TRIM41: variants seen among roughly 807,000 people sequenced by gnomAD.
TRIM41 encodes the protein tripartite motif containing 41.
Under a neutral mutation model 60.6 loss-of-function variants are expected in TRIM41, and 21 were observed. That is an observed-to-expected ratio of 0.35 (90% CI 0.25 to 0.50). The LOEUF (loss-of-function observed/expected upper bound fraction) is 0.50, where lower values mean the gene tolerates loss of function less well. Among genes scored for constraint, TRIM41 ranks in the 20% least tolerant of loss-of-function variants. TRIM41 has a pLI of 0.98. For synonymous variants in TRIM41, 407 were observed against 344.9 expected, an observed-to-expected ratio of 1.18 and a Z score of -2.00; for missense variants, 846 against 868.3, an observed-to-expected ratio of 0.97 and a Z score of 0.32.
At chr5:181,232,497 ATC>A in intron 2 of TRIM41, 160 bp from the exon 3 acceptor site, 1 of 648,148 alleles carries the variant, frequency 1.5e-6, no homozygotes, top group Non-Finnish European at 2.6e-6. Context: ...AGGGGGTGGT[ATC>A]TGGTAAGGCT....
intron 1 of TRIM41, 47 bp from the exon 2 acceptor site, chr5:181,230,697 G>A: frequency 4.6e-6 from 7 of 1,523,632 alleles, no homozygotes; most frequent in Non-Finnish European, 6.3e-6. Context: ...GGCTCTGAAG[G>A]GCAGGTGCCT....
Position 181,223,965 on chromosome 5 carries a change from CACCGA to C in TRIM41, c.-31_-27del. 1 of 1,574,982 alleles carries C rather than the reference CACCGA, an allele frequency of 6.3e-7. No individual in the cohort carries two copies. The stretch of plus-strand genomic sequence containing the variant: ...GGAAGACCCCCGCCCCTCGCCCCCC[CACCGA>C]ACCTCTACACTGGCTGGCTGGACAC... On this transcript the variant is annotated 5_prime_UTR_variant, in exon 1 of 6. Transcript: ENST00000315073.
rs200349612 is a variant in TRIM41 at position 181,234,099 on chromosome 5, C to T, written c.1292-75C>T. 808 of 1,598,008 alleles carry T rather than the reference C, an allele frequency of 5.1e-4. 2 individuals are homozygous for T. The highest frequency in any genetic ancestry group is 6.2e-4 in the Non-Finnish European group (726 of 1,178,698). ...GCTGGATTCAGGGAGAAAGGGGGCC[C>T]AATCTGTGGAGTTGGCTGCTGACAG... On this transcript the variant is annotated intron_variant, in intron 5 of 5. Transcript: ENST00000315073. The surrounding 1 kb of genome is among the most constrained non-coding windows in gnomAD (Gnocchi z 5.6).
intron 1 of TRIM41, chr5:181,228,958 A>AC (rs1758677303): frequency 6.6e-6 from 1 of 150,862 alleles, no homozygotes; most frequent in African/African-American, 2.5e-5. Context: ...AAAAAAAAAA[A>AC]CAGTAAATGG....
Position 181,235,117 on chromosome 5 carries a change from C to G in TRIM41, c.*342C>G. ...GGGAAATTGTAATTTCATTCCTTAA[C>G]TTCCTTTTCCCCACCCCTGCTCTTC... is the stretch of plus-strand genomic sequence containing the variant. On this transcript the variant is annotated 3_prime_UTR_variant, in exon 6 of 6. Coordinates refer to ENST00000315073, the MANE Select transcript of TRIM41 (RefSeq NM_033549.5). The G allele has an allele frequency of 6.3e-7, 1 of 1,586,580 alleles. No homozygotes were observed. Among genetic ancestry groups the G allele is most frequent in the Non-Finnish European group, 8.6e-7 (1 of 1,166,584 alleles).
chr5:181,228,558 C>CAAAAAAAAAAA (rs1165609216), intron 1 of TRIM41: 16 of 50,392 alleles, frequency 3.2e-4, no homozygotes, highest in African/African-American at 8.3e-4. Context: ...ACTCCCATCT[C>CAAAAAAAAAAA]AAAAAAAAAA....
Position 181,234,928 on chromosome 5 carries a change from C to G in TRIM41, c.*153C>G. Reference sequence around the variant, plus strand: ...TGACCCCAGGCCCCTGCTTCTCCCTCTAGGAGCCTAAAGAACCCTCCTGGC... The same window carrying G: ...TGACCCCAGGCCCCTGCTTCTCCCTGTAGGAGCCTAAAGAACCCTCCTGGC... On this transcript the variant is annotated 3_prime_UTR_variant, in exon 6 of 6. Coordinates refer to ENST00000315073, the MANE Select transcript of TRIM41 (RefSeq NM_033549.5). The surrounding 1 kb of genome is among the most constrained non-coding windows in gnomAD (Gnocchi z 5.6). The G allele has an allele frequency of 1.2e-6, 2 of 1,613,798 alleles. No individual in the cohort carries two copies. Among genetic ancestry groups the G allele is most frequent in the Non-Finnish European group, 8.5e-7 (1 of 1,179,974 alleles).
At chr5:181,230,170 C>G (rs191108740) in intron 1 of TRIM41, 2 of 152,484 alleles carry the variant, frequency 1.3e-5, no homozygotes, top group African/African-American at 4.8e-5. Context: ...TGGGAGCTCT[C>G]TAGTCTTGAG....
At position 181,223,973 on chromosome 5, in the gene TRIM41, C is replaced by G. The variant is rs1341550722; in HGVS notation, c.-27C>G. The stretch of plus-strand genomic sequence containing the variant: ...CCCGCCCCTCGCCCCCCCACCGAAC[C>G]TCTACACTGGCTGGCTGGACACTAA... On this transcript the variant is annotated 5_prime_UTR_variant, in exon 1 of 6. Transcript: ENST00000315073. The G allele has an allele frequency of 1.3e-6, 2 of 1,565,740 alleles. No homozygotes were observed. Among genetic ancestry groups the G allele is most frequent in the Non-Finnish European group, 8.7e-7 (1 of 1,155,830 alleles).
chr5:181,227,509 C>G (rs1328439457), intron 1 of TRIM41: 1 of 152,104 alleles, frequency 6.6e-6, no homozygotes, highest in East Asian at 1.9e-4. Context: ...GCCACCACGC[C>G]TGGCTAATTT....
rs752504020 is a variant in TRIM41 at position 181,230,737 on chromosome 5, T to G, written c.814-7T>G. 5.6e-6 allele frequency: 9 copies of G among 1,612,182 alleles called. No individual in the cohort carries two copies. In the South Asian group the frequency reaches 9.9e-5, roughly 18 times the overall value. On this transcript the variant is annotated splice_polypyrimidine_tract_variant and splice_region_variant and intron_variant, in intron 1 of 5. Coordinates refer to ENST00000315073, the MANE Select transcript of TRIM41 (RefSeq NM_033549.5). ...CAGCCCCCACTTTTCTTTTTCTGTT[T>G]CCTCAGGCCAAACTGCAGGGGCACG...
Position 181,234,952 on chromosome 5 carries a change from G to A in TRIM41, c.*177G>A, listed in dbSNP as rs745591657. On this transcript the variant is annotated 3_prime_UTR_variant, in exon 6 of 6. Transcript: ENST00000315073. The surrounding 1 kb of genome is among the most constrained non-coding windows in gnomAD (Gnocchi z 5.6). ...TCTAGGAGCCTAAAGAACCCTCCTG[G>A]CCTCCAGCTCAGCCTTCTCTCACCT... is the stretch of plus-strand genomic sequence containing the variant. The A allele has an allele frequency of 7.4e-6, 12 of 1,613,926 alleles. No homozygotes were observed. The East Asian group carries it at 1.8e-4, about 24-fold the overall frequency.
At position 181,234,547 on chromosome 5, in the gene TRIM41, C is replaced by G. The variant is rs369629118; in HGVS notation, c.1665C>G (p.Asn555Lys). The G allele has an allele frequency of 1.2e-6, 2 of 1,614,218 alleles. No homozygotes were observed. The highest frequency in any genetic ancestry group is 2.2e-5 in the South Asian group (2 of 91,090). Residue 555 changes from asparagine to lysine, a missense_variant, in exon 6 of 6, where the codon AAC becomes AAG. Asn to Lys is a moderately conservative substitution (Grantham distance 94). Coordinates refer to ENST00000315073, the MANE Select transcript of TRIM41 (RefSeq NM_033549.5). The surrounding 1 kb of genome is among the most constrained non-coding windows in gnomAD (Gnocchi z 5.6). ...LQREVWCVGT[N>K]GKRYQAQSST... ...GGGAAGTGTGGTGCGTGGGCACCAA[C>G]GGCAAACGCTATCAGGCCCAGAGCT...
In TRIM41 at chr5:181,233,258, TG is replaced by T; in HGVS notation, c.1141-153del. The stretch of plus-strand genomic sequence containing the variant: ...ATGGCGAGGCATGGGGTGGTTGAAA[TG>T]GATGTGTGTTCATTGAGGGCCGTGA... On this transcript the variant is annotated intron_variant, in intron 3 of 5. Transcript: ENST00000315073. This position sits in a 1 kb window ranked among gnomAD's most constrained non-coding sequence, Gnocchi z 4.1. The T allele has an allele frequency of 2.4e-6, 2 of 837,272 alleles. No homozygotes were observed. Among genetic ancestry groups the T allele is most frequent in the Non-Finnish European group, 4.1e-6 (2 of 484,972 alleles). 51.9% of individuals were successfully genotyped at this position (837,272 alleles called of 1,614,324 possible).
In TRIM41 at chr5:181,223,950, C is replaced by A; in HGVS notation, c.-50C>A. The A allele has an allele frequency of 1.3e-6, 2 of 1,527,704 alleles. No individual in the cohort carries two copies. The highest frequency in any genetic ancestry group is 1.2e-5 in the South Asian group (1 of 81,684). 94.6% of individuals were successfully genotyped at this position (1,527,704 alleles called of 1,614,324 possible). A position where few individuals can be genotyped will look rare whatever the true frequency, so the allele number is the denominator to read the frequency against. On this transcript the variant is annotated 5_prime_UTR_variant, in exon 1 of 6. Transcript: ENST00000315073. Reference sequence around the variant, plus strand: ...CCAGGGCGTCGGTAGGGAAGACCCCCGCCCCTCGCCCCCCCACCGAACCTC... The same window carrying A: ...CCAGGGCGTCGGTAGGGAAGACCCCAGCCCCTCGCCCCCCCACCGAACCTC...
At position 181,224,619 on chromosome 5, in the gene TRIM41, T is replaced by C. The variant is rs147379878; in HGVS notation, c.620T>C (p.Val207Ala). The C allele has an allele frequency of 2.7e-5, 43 of 1,614,044 alleles. No individual in the cohort carries two copies. Among genetic ancestry groups the C allele is most frequent in the Non-Finnish European group, 1.7e-6 (2 of 1,180,036 alleles). Reference protein sequence around the residue: ...PNLQLANMVQVIRQMHPTPGR... With the variant: ...PNLQLANMVQAIRQMHPTPGR... Reference sequence around the variant, plus strand: ...CTGCAGCTGGCCAATATGGTCCAGGTGATTCGGCAGATGCACCCAACCCCT... The same window carrying C: ...CTGCAGCTGGCCAATATGGTCCAGGCGATTCGGCAGATGCACCCAACCCCT... Residue 207 changes from valine (V) to alanine (A), a missense_variant, in exon 1 of 6, where the codon GTG becomes GCG. By Grantham distance (64) the Val-to-Ala change is moderately conservative. Transcript: ENST00000315073.
chr5:181,224,801 C>T lies in TRIM41; in HGVS notation c.802C>T (p.Gln268Ter), dbSNP rs1216305079. The part of the protein sequence containing the change: ...HSVVPLEEVV[Q>*]EYKAKLQGHV... ...CGTGGTGCCATTGGAGGAGGTGGTG[C>T]AGGAGTACAAGGTGAGAGAAGTACA... Residue 268 changes from glutamine to a stop codon, truncating the protein, a stop_gained, in exon 1 of 6, where the codon CAG becomes TAG. Coordinates refer to ENST00000315073, the MANE Select transcript of TRIM41 (RefSeq NM_033549.5). LOFTEE classifies it high-confidence loss of function. The T allele has an allele frequency of 1.2e-6, 2 of 1,613,962 alleles. No individual in the cohort carries two copies. The highest frequency in any genetic ancestry group is 1.7e-6 in the Non-Finnish European group (2 of 1,180,032).
Position 181,234,125 on chromosome 5 carries a change from G to A in TRIM41, c.1292-49G>A. The A allele has an allele frequency of 1.9e-6, 3 of 1,600,946 alleles. No individual in the cohort carries two copies. Among genetic ancestry groups the A allele is most frequent in the Non-Finnish European group, 2.5e-6 (3 of 1,179,784 alleles). ...AATCTGTGGAGTTGGCTGCTGACAG[G>A]GGAACAGCCGTTCCAGCCCTGGCGT... On this transcript the variant is annotated intron_variant, in intron 5 of 5. Coordinates refer to ENST00000315073, the MANE Select transcript of TRIM41 (RefSeq NM_033549.5). The surrounding 1 kb of genome is among the most constrained non-coding windows in gnomAD (Gnocchi z 5.6).
chr5:181,230,496 CAAAAAAAAAA>C (rs60815823), intron 1 of TRIM41: 568 of 43,692 alleles, frequency 0.013, 5 homozygotes, highest in Admixed American at 0.034. Context: ...GACTCTGTCT[CAAAAAAAAAA>C]AAAAAAAAAA....
Sources: gnomAD v4.1 joint callset for allele counts on GRCh38, gnomAD v4.1.1 for gene constraint, Gnocchi (gnomAD v3.1) non-coding constraint, MANE v1.5 for transcripts, NCBI Gene and HGNC (gene_info 2026-07-23, HGNC 2026-07-21) for gene names.